Variants in ATP6V1B1 observed in about 807,000 individuals in gnomAD.
The protein encoded by ATP6V1B1 is V-type proton ATPase subunit B, kidney isoform.
Under a neutral mutation model 62.1 loss-of-function variants are expected in ATP6V1B1, and 41 were observed. The observed-to-expected ratio is 0.66, with a 90% confidence interval of 0.51 to 0.86. ATP6V1B1 has a LOEUF of 0.86. Among genes scored for constraint, ATP6V1B1 ranks in the 40% least tolerant of loss-of-function variants. The pLI is 0.00. For synonymous variants in ATP6V1B1, 253 were observed against 273.4 expected (o/e 0.93, Z 0.74); for missense variants, 651 against 697.5 (o/e 0.93, Z 0.75).
chr2:70,940,021 C>G (rs538992691), intron 1 of ATP6V1B1: 1 of 152,204 alleles, frequency 6.6e-6, no homozygotes. Context: ...GCGGCCTGGC[C>G]GGGGAAGGCA....
intron 1 of ATP6V1B1, among the ~76,000 whole-genome samples, chr2:70,942,697 T>C (rs944476115): frequency 3.5e-4 from 54 of 152,282 alleles, no homozygotes; most frequent in African/African-American, 1.3e-3. Flanking sequence ...TCCTTGCCTG[T>C]GAAAGAGGGG....
rs369442690 is a variant in ATP6V1B1, at chr2:70,943,684, G to A, written c.145G>A (p.Gly49Arg). The A allele has an allele frequency of 1.3e-5, 21 of 1,613,698 alleles. No homozygotes were observed. In the African/African-American group the frequency reaches 2.1e-4, roughly 16 times the overall value. Residue 49 changes from glycine to arginine, a missense_variant, in exon 2 of 14, where the codon GGG (glycine) becomes AGG (arginine). Transcript: ENST00000234396. ...VTYRTVCSVN[G>R]PLVVLDRVKF... ...CTACAGGACTGTGTGCAGCGTGAAC[G>A]GGCCCCTGGTGGTGCTGGACCGGGT...
chr2:70,964,804 C>G lies in ATP6V1B1; in HGVS notation c.1317C>G (p.Thr439=), dbSNP rs782106373. The change falls in exon 13 of 14, where the codon ACC becomes ACG. Residue 439 remains threonine (T), a synonymous_variant. Coordinates refer to ENST00000234396, the MANE Select transcript of ATP6V1B1 (RefSeq NM_001692.4). ...CAGTAGTTGGGGAGGAGGCGCTCAC[C>G]TCTGAGGACCTGCTCTACCTGGAAT... ...MKAVVGEEAL[T]SEDLLYLEFL... 6.2e-7 allele frequency: 1 copy of G among 1,614,034 alleles called. No individual in the cohort carries two copies. The highest frequency in any genetic ancestry group is 1.1e-5 in the South Asian group (1 of 91,086).
Position 70,963,359 on chromosome 2 carries a change from C to A in ATP6V1B1, c.1060+47C>A. 6.2e-7 allele frequency: 1 copy of A among 1,612,062 alleles called. No homozygotes were observed. The highest frequency in any genetic ancestry group is 8.5e-7 in the Non-Finnish European group (1 of 1,179,834). On this transcript the variant is annotated intron_variant, in intron 10 of 13. Transcript: ENST00000234396. This position sits in a 1 kb window ranked among gnomAD's most constrained non-coding sequence, Gnocchi z 4.3. ...ACCCTCCAGAGCTCCCCTGTCCTCC[C>A]TTTTCCAACCAGATACTTAAAGGGC... is the stretch of plus-strand genomic sequence containing the variant.
chr2:70,964,631 T>C lies in ATP6V1B1; in HGVS notation c.1248+89T>C. The C allele has an allele frequency of 2.5e-6, 4 of 1,612,124 alleles. No individual in the cohort carries two copies. The Admixed American group carries it at 5.0e-5, about 20-fold the overall frequency. On this transcript the variant is annotated intron_variant, in intron 12 of 13. Transcript: ENST00000234396. ...CCATCTGAAGGACAAGCTTTTCTCCTGGCAAAATTCCTTTCCGAACGGGGT... is the reference window on the plus strand; with the variant it reads ...CCATCTGAAGGACAAGCTTTTCTCCCGGCAAAATTCCTTTCCGAACGGGGT...
In ATP6V1B1 at chr2:70,959,880, G is replaced by C. The variant is rs1317984182; in HGVS notation, c.446-59G>C. The C allele has an allele frequency of 1.7e-5, 27 of 1,613,412 alleles. No individual in the cohort carries two copies. The highest frequency in any genetic ancestry group is 2.0e-5 in the Non-Finnish European group (24 of 1,179,856). ...GGCTCTGGAGTCTGGGGTCAGTGTCGAGGAGAGCAGGGAAGGGTTTGAACC... is the reference window on the plus strand; with the variant it reads ...GGCTCTGGAGTCTGGGGTCAGTGTCCAGGAGAGCAGGGAAGGGTTTGAACC... On this transcript the variant is annotated intron_variant, in intron 5 of 13. Coordinates refer to ENST00000234396, the MANE Select transcript of ATP6V1B1 (RefSeq NM_001692.4). The surrounding 1 kb of genome is among the most constrained non-coding windows in gnomAD (Gnocchi z 4.2).
chr2:70,951,238 C>G (rs782307909), intron 2 of ATP6V1B1, among the ~76,000 whole-genome samples: 1 of 152,018 alleles, frequency 6.6e-6, no homozygotes, highest in Non-Finnish European at 1.5e-5. Context: ...CCACTGCGCC[C>G]GGCCTTCCTG....
intron 2 of ATP6V1B1, among the ~76,000 whole-genome samples, chr2:70,954,095 T>C (rs1222087303): frequency 2.0e-5 from 3 of 152,208 alleles, no homozygotes; most frequent in Non-Finnish European, 2.9e-5. Context: ...TTGTTGGTCT[T>C]CTCTATTCTA....
rs1352843206 is a variant in ATP6V1B1, at chr2:70,963,050, TC to T, written c.910-110del. 6.1e-5 allele frequency: 98 copies of T among 1,599,688 alleles called. No individual in the cohort carries two copies. The highest frequency in any genetic ancestry group is 8.0e-5 in the Non-Finnish European group (94 of 1,171,882). Reference sequence around the variant, plus strand: ...CAGGGCTTGGTCTCAGCCTGGCCATTCCTCCCCTGCCCCCCACTCCATTTCT... The same window carrying T: ...CAGGGCTTGGTCTCAGCCTGGCCATTCTCCCCTGCCCCCCACTCCATTTCT... On this transcript the variant is annotated intron_variant, in intron 9 of 13. Coordinates refer to ENST00000234396, the MANE Select transcript of ATP6V1B1 (RefSeq NM_001692.4). This position sits in a 1 kb window ranked among gnomAD's most constrained non-coding sequence, Gnocchi z 4.3.
intron 2 of ATP6V1B1, chr2:70,948,252 CTTTTT>C: frequency 6.8e-6 from 1 of 146,372 alleles, no homozygotes; most frequent in Non-Finnish European, 1.5e-5. Context: ...TTTTTTTTTT[CTTTTT>C]GAGACGGAGT....
At chr2:70,943,534 C>T in intron 1 of ATP6V1B1, 124 bp from the exon 2 acceptor site, 2 of 1,035,442 alleles carry the variant, frequency 1.9e-6, no homozygotes, top group Admixed American at 2.0e-5. Context: ...AGCTAATGAC[C>T]CTGACGGCCC....
intron 2 of ATP6V1B1, among the ~76,000 whole-genome samples, chr2:70,955,601 T>A (rs1553418935): frequency 3.3e-5 from 5 of 152,216 alleles, no homozygotes; most frequent in African/African-American, 1.2e-4. Context: ...TGTGCCTGAC[T>A]TTTTTCACTT....
chr2:70,945,711 T>TCTTCAGTC (rs1680148712), intron 2 of ATP6V1B1, among the ~76,000 whole-genome samples: 3 of 113,968 alleles, frequency 2.6e-5, no homozygotes, highest in Non-Finnish European at 5.1e-5. Flanking sequence ...GATATATATA[T>TCTTCAGTC]ATATATATAT....
chr2:70,962,957 C>A, intron 9 of ATP6V1B1, 57 bp downstream of exon 9: 1 of 1,611,232 alleles, frequency 6.2e-7, no homozygotes, highest in South Asian at 1.1e-5. Context: ...AAGCCTGACA[C>A]CCCAGACGGT....
At chr2:70,943,608 G>A in intron 1 of ATP6V1B1, 50 bp from the exon 2 acceptor site, 1 of 1,582,166 alleles carries the variant, frequency 6.3e-7, no homozygotes, top group Non-Finnish European at 8.7e-7. Flanking sequence ...CTGTGTGTGT[G>A]AGCAGGGTGT....
intron 1 of ATP6V1B1, among the ~76,000 whole-genome samples, chr2:70,936,959 G>A (rs1679869083): frequency 3.9e-5 from 6 of 152,166 alleles, no homozygotes; most frequent in Admixed American, 2.6e-4. Flanking sequence ...AGGTCCAGAG[G>A]ACCAAAGGGA....
chr2:70,944,793 C>A (rs896869577), intron 2 of ATP6V1B1, among the ~76,000 whole-genome samples: 2 of 152,136 alleles, frequency 1.3e-5, no homozygotes, highest in Non-Finnish European at 2.9e-5. Context: ...CTCAGCCTCC[C>A]GAGTAGCTGG....
chr2:70,964,788 G>C lies in ATP6V1B1; in HGVS notation c.1301G>C (p.Gly434Ala), dbSNP rs1553420765. 1.2e-6 allele frequency: 2 copies of C among 1,614,052 alleles called. No homozygotes were observed. The highest frequency in any genetic ancestry group is 1.7e-6 in the Non-Finnish European group (2 of 1,180,034). Residue 434 changes from glycine to alanine, a missense_variant, in exon 13 of 14, where the codon GGG becomes GCG. Gly to Ala is a moderately conservative substitution (Grantham distance 60). Coordinates refer to ENST00000234396, the MANE Select transcript of ATP6V1B1 (RefSeq NM_001692.4). ...KDVQAMKAVV[G>A]EEALTSEDLL... ...GTGCAGGCCATGAAGGCAGTAGTTG[G>C]GGAGGAGGCGCTCACCTCTGAGGAC...
intron 2 of ATP6V1B1, among the ~76,000 whole-genome samples, chr2:70,949,108 A>G (rs1680260722): frequency 6.6e-6 from 1 of 152,232 alleles, no homozygotes; most frequent in South Asian, 2.1e-4. Flanking sequence ...AAAGTTAACT[A>G]TCTGCCCCTA....
Sources: gnomAD v4.1 joint callset for allele counts (sites outside exome capture counted in the v4.1 genomes callset) on GRCh38, gnomAD v4.1.1 for gene constraint, Gnocchi (gnomAD v3.1) non-coding constraint, MANE v1.5 for transcripts, NCBI Gene and HGNC (gene_info 2026-07-23, HGNC 2026-07-21) for gene names.